The following TGM7 variants were observed in gnomAD, a reference collection of about 807,000 sequenced individuals.
TGM7 encodes protein-glutamine gamma-glutamyltransferase Z.
TGM7 carries 74 observed loss-of-function variants against 79.5 expected under a neutral mutation model. That is an observed-to-expected ratio of 0.93 (90% CI 0.77 to 1.13). The LOEUF is 1.13. Ranked by LOEUF, TGM7 falls within the 50% of genes most tolerant of loss-of-function variation. TGM7 has a pLI of 0.00. For synonymous variants in TGM7, 354 were observed against 362.5 expected (o/e 0.98, Z 0.27); for missense variants, 912 against 905.9 (o/e 1.01, Z -0.09).
chr15:43,301,105 T>G (rs1206701852), intron 1 of TGM7, among the ~76,000 whole-genome samples: 2 of 151,830 alleles, frequency 1.3e-5, no homozygotes, highest in African/African-American at 4.8e-5. Flanking sequence ...GCCTCAGCCC[T>G]CCAAGTAGCT....
chr15:43,277,815 G>T (rs1566841934), intron 11 of TGM7, among the ~76,000 whole-genome samples: 1 of 152,216 alleles, frequency 6.6e-6, no homozygotes, highest in Non-Finnish European at 1.5e-5. Context: ...GGAAAAGGAA[G>T]AACACACCTG....
Position 43,281,955 on chromosome 15 carries a change from C to T in TGM7, c.1240G>A (p.Ala414Thr), listed in dbSNP as rs545415053. Residue 414 changes from alanine to threonine, a missense_variant, in exon 9 of 13, where the codon GCC becomes ACC. Coordinates refer to ENST00000452443, the MANE Select transcript of TGM7 (RefSeq NM_052955.3). ...GTGTTGTGGGCCAGGATTTCCTGGG[C>T]CTGGCCATCCCCAAGGAGCCAAATG... is the stretch of plus-strand genomic sequence containing the variant. ...EVIWLLGDGQ[A>T]QEILAHNTSS... 5.1e-5 allele frequency: 83 copies of T among 1,614,206 alleles called. No individual in the cohort carries two copies. The highest frequency in any genetic ancestry group is 3.3e-4 in the Middle Eastern group (2 of 6,062).
chr15:43,292,235 C>T, intron 3 of TGM7, 138 bp from the exon 4 acceptor site: 1 of 629,794 alleles, frequency 1.6e-6, no homozygotes, highest in Non-Finnish European at 2.8e-6. Flanking sequence ...GAAATTAAGA[C>T]TAGACCCCCT....
intron 1 of TGM7, among the ~76,000 whole-genome samples, chr15:43,299,576 A>G (rs1199070818): frequency 2.0e-5 from 3 of 152,230 alleles, no homozygotes; most frequent in African/African-American, 7.2e-5. Flanking sequence ...TGAGGTTGGC[A>G]CGCTCTAGGT....
Position 43,291,967 on chromosome 15 carries a change from T to A in TGM7, c.558+12A>T. ...GAGCCCACCCCAGGCCCACATTGGG[T>A]AATAGTGTTACCTGCCCGTAGTTCC... On this transcript the variant is annotated intron_variant, in intron 4 of 12. Transcript: ENST00000452443. 1 of 1,604,652 alleles carries A rather than the reference T, an allele frequency of 6.2e-7. No individual in the cohort carries two copies. The highest frequency in any genetic ancestry group is 2.2e-5 in the East Asian group (1 of 44,840).
At chr15:43,301,155 G>A (rs1293164214) in intron 1 of TGM7, among the ~76,000 whole-genome samples, 1 of 150,752 alleles carries the variant, frequency 6.6e-6, no homozygotes, top group Admixed American at 6.6e-5. Flanking sequence ...GCTAATTTTT[G>A]TATTTTTAGT....
intron 8 of TGM7, among the ~76,000 whole-genome samples, 169 bp from the exon 9 acceptor site, chr15:43,282,255 G>A (rs915660915): frequency 1.5e-4 from 23 of 152,350 alleles, no homozygotes; most frequent in Admixed American, 1.5e-3. Flanking sequence ...CAGCCACCCT[G>A]TGAAGTGGCA....
At position 43,287,521 on chromosome 15, in the gene TGM7, C is replaced by T. The variant is rs370634462; in HGVS notation, c.687+20G>A. The T allele has an allele frequency of 1.3e-5, 21 of 1,612,372 alleles. No individual in the cohort carries two copies. The African/African-American group carries it at 1.6e-4, about 12-fold the overall frequency. On this transcript the variant is annotated intron_variant, in intron 5 of 12. Coordinates refer to ENST00000452443, the MANE Select transcript of TGM7 (RefSeq NM_052955.3). ...GGAAGCTCAGACTGTCCTCAGACGG[C>T]GGGAAGCATCCATCCTTACCATGGC...
At position 43,279,669 on chromosome 15, in the gene TGM7, G is replaced by A. The variant is rs1469177382; in HGVS notation, c.1634C>T (p.Pro545Leu). The A allele has an allele frequency of 1.2e-6, 2 of 1,611,616 alleles. No individual in the cohort carries two copies. The highest frequency in any genetic ancestry group is 1.7e-6 in the Non-Finnish European group (2 of 1,178,650). The change falls in exon 10 of 13, where the codon CCC (proline) becomes CTC (leucine). Residue 545 changes from proline to leucine, a missense_variant. By Grantham distance (98) the Pro-to-Leu change is moderately conservative. Transcript: ENST00000452443. ...CATCCGCACTGTGTGCCTCCAGAAGGGCTTCTGGGTACCACCCCCATGCAG... is the reference window on the plus strand; with the variant it reads ...CATCCGCACTGTGTGCCTCCAGAAGAGCTTCTGGGTACCACCCCCATGCAG... ...ALLHGGGTQK[P>L]FWRHTVRMNL...
At chr15:43,290,369 G>A (rs2042957560) in intron 4 of TGM7, among the ~76,000 whole-genome samples, 1 of 152,128 alleles carries the variant, frequency 6.6e-6, no homozygotes, top group Non-Finnish European at 1.5e-5. Context: ...AAGATCAGAT[G>A]GTTGTAGATA....
rs375690498 is a variant in TGM7, at chr15:43,287,403, A to T, written c.742T>A (p.Ser248Thr). 6 of 1,613,940 alleles carry T rather than the reference A, an allele frequency of 3.7e-6. No homozygotes were observed. The African/African-American group carries it at 8.0e-5, about 22-fold the overall frequency. Residue 248 changes from serine to threonine, a missense_variant, in exon 6 of 13, where the codon TCC becomes ACC. Transcript: ENST00000452443. ...VLQGNWGEDYSKGVSPLEWKG... is the reference protein window; with the variant it reads ...VLQGNWGEDYTKGVSPLEWKG... Reference sequence around the variant, plus strand: ...CACTCCAGAGGACTGACCCCTTTGGAGTAGTCCTCGCCCCAGTTCCCCTGC... The same window carrying T: ...CACTCCAGAGGACTGACCCCTTTGGTGTAGTCCTCGCCCCAGTTCCCCTGC...
At chr15:43,284,726 T>C (rs1270146193) in intron 7 of TGM7, 88 bp downstream of exon 7, 2 of 1,497,706 alleles carry the variant, frequency 1.3e-6, no homozygotes, top group Non-Finnish European at 9.2e-7. Flanking sequence ...AATCTTGCAA[T>C]ATTTCCTCAA....
At chr15:43,300,502 A>G (rs762251079) in intron 1 of TGM7, among the ~76,000 whole-genome samples, 3 of 152,204 alleles carry the variant, frequency 2.0e-5, no homozygotes, top group Non-Finnish European at 2.9e-5. Flanking sequence ...GCTTTCTTCA[A>G]ATGAAAACAT....
chr15:43,280,015 T>C (rs112406537), intron 9 of TGM7, 64 bp from the exon 10 acceptor site: 5 of 1,505,478 alleles, frequency 3.3e-6, no homozygotes, highest in Non-Finnish European at 3.6e-6. Flanking sequence ...GTGACTTTCC[T>C]GGGGCAACAA....
chr15:43,281,777 C>G, intron 9 of TGM7, 67 bp downstream of exon 9: 3 of 1,580,268 alleles, frequency 1.9e-6, no homozygotes, highest in South Asian at 2.3e-5. Context: ...CAACTTGGAG[C>G]CATCCCAGCT....
Position 43,279,893 on chromosome 15 carries a change from T to C in TGM7, c.1410A>G (p.Gln470=), listed in dbSNP as rs1351563884. The C allele has an allele frequency of 6.2e-7, 1 of 1,614,164 alleles. No individual in the cohort carries two copies. The highest frequency in any genetic ancestry group is 1.1e-5 in the South Asian group (1 of 91,088). ...MKASRKMLGP[Q]RASLPFLDLL... ...GATCCAGGAAGGGCAAAGAAGCTCT[T>C]TGGGGGCCCAGCATTTTCCGAGAAG... The change falls in exon 10 of 13, where the codon CAA becomes CAG. Residue 470 remains glutamine, a synonymous_variant. Transcript: ENST00000452443.
Position 43,287,424 on chromosome 15 carries a change from C to A in TGM7, c.721G>T (p.Gly241Trp). Reference protein sequence around the residue: ...NSNDDNGVLQGNWGEDYSKGV... With the variant: ...NSNDDNGVLQWNWGEDYSKGV... ...TTGGAGTAGTCCTCGCCCCAGTTCC[C>A]CTGCAGCACGCCATTGTCATCGTTG... The change falls in exon 6 of 13, where the codon GGG becomes TGG. Residue 241 changes from glycine to tryptophan, a missense_variant. Coordinates refer to ENST00000452443, the MANE Select transcript of TGM7 (RefSeq NM_052955.3). 1 of 1,614,152 alleles carries A rather than the reference C, an allele frequency of 6.2e-7. No individual in the cohort carries two copies. The highest frequency in any genetic ancestry group is 8.5e-7 in the Non-Finnish European group (1 of 1,180,042).
intron 4 of TGM7, among the ~76,000 whole-genome samples, chr15:43,288,160 C>T (rs1402600322): frequency 1.3e-5 from 2 of 152,196 alleles, no homozygotes; most frequent in Non-Finnish European, 2.9e-5. Flanking sequence ...TAGAGGAGCT[C>T]AGAGCAGACG....
chr15:43,279,345 G>A, intron 10 of TGM7, 68 bp from the exon 11 acceptor site: 1 of 1,526,560 alleles, frequency 6.6e-7, no homozygotes, highest in Middle Eastern at 1.8e-4. Context: ...ATGTAGATGT[G>A]AGAGAGGAAA....
Sources: allele counts gnomAD v4.1 joint callset (sites outside exome capture counted in the v4.1 genomes callset), GRCh38; gene constraint gnomAD v4.1.1; transcripts MANE v1.5; gene names NCBI Gene and HGNC (gene_info 2026-07-23, HGNC 2026-07-21).